The following TTC33 variants were observed in gnomAD, a reference collection of about 807,000 sequenced individuals.
TTC33 encodes the protein tetratricopeptide repeat domain 33, also known as tetratricopeptide repeat protein 33.
TTC33 carries 24 observed loss-of-function variants against 29.4 expected under a neutral mutation model. That is an observed-to-expected ratio of 0.82 (90% CI 0.59 to 1.15). TTC33 has a LOEUF of 1.15. Ranked by LOEUF, TTC33 falls within the 50% of genes most tolerant of loss-of-function variation. The pLI, the probability that TTC33 is intolerant of heterozygous loss-of-function variation, is 0.00. For missense variants in TTC33, 286 were observed against 310.4 expected (o/e 0.92, Z 0.59); for synonymous variants, 107 against 100.3 (o/e 1.07, Z -0.40).
At chr5:40,717,507 T>A (rs115183009) in intron 4 of TTC33, among the ~76,000 whole-genome samples, 3,675 of 152,274 alleles carry the variant, frequency 0.024, 83 homozygotes, top group South Asian at 0.055. Flanking sequence ...CATATTTGGC[T>A]GAGTAATTCT....
rs1424461309 is a variant in TTC33, at chr5:40,738,557, TAAA to T, written c.222-8217_222-8215del. 9.2e-5 allele frequency among the ~76,000 whole-genome samples: 12 copies of T among 129,854 alleles called. 1 individual carries two copies. Among genetic ancestry groups the T allele is most frequent in the Admixed American group, 3.3e-4 (4 of 12,042 alleles). 85.2% of individuals were successfully genotyped at this position (129,854 alleles called of 152,430 possible). ...TAAAATACAATAAAATAAAATAAAA[TAAA>T]ATAAAATATAAAATAAAATAAAATA... On this transcript the variant is annotated intron_variant, in intron 2 of 4. Coordinates refer to ENST00000337702, the MANE Select transcript of TTC33 (RefSeq NM_012382.3).
intron 1 of TTC33, among the ~76,000 whole-genome samples, chr5:40,748,056 A>G (rs1742830503): frequency 6.6e-6 from 1 of 152,110 alleles, no homozygotes; most frequent in African/African-American, 2.4e-5. Flanking sequence ...CAAACTCCTG[A>G]CCTTAGGAGA....
chr5:40,734,824 T>C (rs1742509666), intron 2 of TTC33, among the ~76,000 whole-genome samples: 1 of 152,208 alleles, frequency 6.6e-6, no homozygotes, highest in Admixed American at 6.5e-5. Flanking sequence ...CTAAAGTGTA[T>C]GCATGTTAGA....
chr5:40,745,478 T>C (rs528383591), intron 2 of TTC33, among the ~76,000 whole-genome samples: 18 of 151,966 alleles, frequency 1.2e-4, no homozygotes, highest in Middle Eastern at 3.4e-3. Context: ...ATAAAGCAAA[T>C]ATTAAGAATT....
chr5:40,748,266 G>A (rs149390509), intron 1 of TTC33, among the ~76,000 whole-genome samples: 3,033 of 151,728 alleles, frequency 0.02, 39 homozygotes, highest in East Asian at 0.064. Flanking sequence ...GCACGACCTC[G>A]GCTCATTGCA....
Position 40,730,339 on chromosome 5 carries a change from G to T in TTC33, c.226C>A (p.Arg76=). Residue 76 remains arginine, a synonymous_variant, in exon 3 of 5, where the codon CGG becomes AGG. Coordinates refer to ENST00000337702, the MANE Select transcript of TTC33 (RefSeq NM_012382.3). ...TCATCCCACTTCTGAATTGCCTCCC[G>T]ATATCTGTGGTTGTTAAAGTTATAT... is the stretch of plus-strand genomic sequence containing the variant. ...GASLAENKRY[R]EAIQKWDEAL... 6.2e-7 allele frequency: 1 copy of T among 1,611,686 alleles called. No homozygotes were observed. The highest frequency in any genetic ancestry group is 8.5e-7 in the Non-Finnish European group (1 of 1,178,504).
chr5:40,754,543 T>C (rs749370551), intron 1 of TTC33, among the ~76,000 whole-genome samples: 4 of 151,910 alleles, frequency 2.6e-5, no homozygotes, highest in Admixed American at 2.6e-4. Flanking sequence ...AAAGGAAAAA[T>C]AGAGATACCA....
At chr5:40,717,097 C>T (rs1478354903) in intron 4 of TTC33, among the ~76,000 whole-genome samples, 16 of 151,860 alleles carry the variant, frequency 1.1e-4, no homozygotes, top group Admixed American at 7.9e-4. Flanking sequence ...GGCATGATGG[C>T]GGGTGCCTGT....
At chr5:40,720,378 T>G (rs1742098837) in intron 4 of TTC33, among the ~76,000 whole-genome samples, 1 of 152,220 alleles carries the variant, frequency 6.6e-6, no homozygotes, top group Non-Finnish European at 1.5e-5. Context: ...TTCTGTACTT[T>G]CAGTTCTATC....
chr5:40,748,491 T>C (rs1157241595), intron 1 of TTC33, among the ~76,000 whole-genome samples: 2 of 152,206 alleles, frequency 1.3e-5, no homozygotes, highest in Admixed American at 1.3e-4. Flanking sequence ...CCACCGCACC[T>C]GGCAAATTAT....
intron 1 of TTC33, among the ~76,000 whole-genome samples, chr5:40,749,470 C>A (rs1195831403): frequency 6.6e-6 from 1 of 151,994 alleles, no homozygotes; most frequent in Non-Finnish European, 1.5e-5. Flanking sequence ...AACCAAAAAA[C>A]ATAAAGAAAA....
At chr5:40,718,076 A>G (rs1213974307) in intron 4 of TTC33, among the ~76,000 whole-genome samples, 1 of 151,566 alleles carries the variant, frequency 6.6e-6, no homozygotes, top group African/African-American at 2.4e-5. Flanking sequence ...AAAAAAAAAG[A>G]TTGCACATAA....
At chr5:40,740,815 T>C (rs1353056530) in intron 2 of TTC33, among the ~76,000 whole-genome samples, 3 of 152,206 alleles carry the variant, frequency 2.0e-5, no homozygotes, top group South Asian at 2.1e-4. Context: ...ATTCCCCTAA[T>C]GAAATCTTTG....
In TTC33 at chr5:40,732,445, T is replaced by G. The variant is rs560400851; in HGVS notation, c.222-2102A>C. 7.2e-5 allele frequency among the ~76,000 whole-genome samples: 11 copies of G among 151,828 alleles called. No homozygotes were observed. The South Asian group carries it at 2.3e-3, about 32-fold the overall frequency. The stretch of plus-strand genomic sequence containing the variant: ...CTCTTAAAAATACAAGACCAATACT[T>G]TCTGTAACTATATCAAGTATGCCTC... On this transcript the variant is annotated intron_variant, in intron 2 of 4. Coordinates refer to ENST00000337702, the MANE Select transcript of TTC33 (RefSeq NM_012382.3).
chr5:40,728,901 T>C (rs1742358206), intron 3 of TTC33, among the ~76,000 whole-genome samples: 1 of 152,164 alleles, frequency 6.6e-6, no homozygotes, highest in Non-Finnish European at 1.5e-5. Context: ...TTATAAAAAG[T>C]ATTTAAAACA....
At chr5:40,717,111 C>T (rs571241011) in intron 4 of TTC33, among the ~76,000 whole-genome samples, 2 of 151,846 alleles carry the variant, frequency 1.3e-5, no homozygotes, top group Admixed American at 1.3e-4. Flanking sequence ...TGCCTGTAAT[C>T]CCAGCTACCC....
chr5:40,726,985 A>C (rs1251277124), intron 4 of TTC33, among the ~76,000 whole-genome samples: 3 of 152,174 alleles, frequency 2.0e-5, no homozygotes, highest in Non-Finnish European at 4.4e-5. Context: ...AAAAAACAGT[A>C]CTTGGTTAAA....
At chr5:40,735,157 A>T (rs1308789225) in intron 2 of TTC33, among the ~76,000 whole-genome samples, 1 of 152,244 alleles carries the variant, frequency 6.6e-6, no homozygotes, top group Non-Finnish European at 1.5e-5. Flanking sequence ...GAATACAATA[A>T]GCCATAGTTA....
chr5:40,719,412 C>T lies in TTC33; in HGVS notation c.436-2914G>A, dbSNP rs114466628. Among the ~76,000 whole-genome samples the T allele has an allele frequency of 9.5e-3, 1,447 of 152,242 alleles. 26 individuals are homozygous for T. The highest frequency in any genetic ancestry group is 0.033 in the African/African-American group (1,359 of 41,536). ...TTCTTTTTAATGCTGAATAATATTT[C>T]ATTGTATGGATATACCACATTTTGT... is the stretch of plus-strand genomic sequence containing the variant. On this transcript the variant is annotated intron_variant, in intron 4 of 4. Transcript: ENST00000337702.
Sources: gnomAD v4.1 joint callset for allele counts (sites outside exome capture counted in the v4.1 genomes callset) on GRCh38, gnomAD v4.1.1 for gene constraint, MANE v1.5 for transcripts, NCBI Gene and HGNC (gene_info 2026-07-23, HGNC 2026-07-21) for gene names.